The following MINDY4 variants were observed in gnomAD, a reference collection of about 807,000 sequenced individuals.
MINDY4 encodes probable ubiquitin carboxyl-terminal hydrolase MINDY-4.
A neutral mutation model predicts 87.0 loss-of-function variants in MINDY4; 68 were observed. The observed-to-expected ratio is 0.78, with a 90% CI of 0.64 to 0.96. The LOEUF is 0.96. Among genes scored for constraint, MINDY4 ranks in the 40% least tolerant of loss-of-function variants. MINDY4 has a pLI of 0.00. For synonymous variants in MINDY4, 379 were observed against 363.2 expected, an observed-to-expected ratio of 1.04 and a Z score of -0.50; for missense variants, 919 against 928.2, an observed-to-expected ratio of 0.99 and a Z score of 0.13.
intron 2 of MINDY4, chr7:30,779,935 C>T (rs190536202): frequency 2.0e-5 from 3 of 152,278 alleles, no homozygotes; most frequent in African/African-American, 7.2e-5. Flanking sequence ...GAACCTATGC[C>T]AGGCATCTCT....
At chr7:30,859,835 T>C (rs929932914) in intron 13 of MINDY4, among the ~76,000 whole-genome samples, 8 of 152,034 alleles carry the variant, frequency 5.3e-5, no homozygotes, top group Non-Finnish European at 1.0e-4. Context: ...CTTGTCCTAA[T>C]CTCCCCTGCC....
At chr7:30,861,399 G>A (rs765922858) in intron 13 of MINDY4, among the ~76,000 whole-genome samples, 4 of 152,362 alleles carry the variant, frequency 2.6e-5, no homozygotes, top group Non-Finnish European at 5.9e-5. Flanking sequence ...GCTGCTGTGA[G>A]TGCTGTCACC....
At position 30,877,822 on chromosome 7, in the gene MINDY4, C is replaced by CTTTTTTTT. The variant is rs60164229; in HGVS notation, c.1971+2195_1971+2202dup. 1.5e-4 allele frequency among the ~76,000 whole-genome samples: 7 copies of CTTTTTTTT among 47,540 alleles called. 3 individuals carry two copies. The highest frequency in any genetic ancestry group is 3.0e-4 in the Admixed American group (1 of 3,348). The allele number at this position is 47,540 out of a possible 152,430, so 31.2% of individuals were successfully genotyped here. ...GAGTAGCTGGGATTACAGGGACATGCTTTTTTTTTTTTTTTTTTTTTTTTT... is the reference window on the plus strand; with the variant it reads ...GAGTAGCTGGGATTACAGGGACATGCTTTTTTTTTTTTTTTTTTTTTTTTTTTTTTTTT... On this transcript the variant is annotated intron_variant, in intron 15 of 17. Transcript: ENST00000265299.
At chr7:30,890,551 TGTAAA>T (rs1469604850) in intron 17 of MINDY4, among the ~76,000 whole-genome samples, 1 of 152,244 alleles carries the variant, frequency 6.6e-6, no homozygotes, top group African/African-American at 2.4e-5. Context: ...AATGGAATGG[TGTAAA>T]GTATTCAAAA....
At chr7:30,788,812 G>T (rs11978517) in intron 4 of MINDY4, among the ~76,000 whole-genome samples, 1 of 152,054 alleles carries the variant, frequency 6.6e-6, no homozygotes. Context: ...AATGCCTGCC[G>T]TGTCCCTCCC....
intron 4 of MINDY4, among the ~76,000 whole-genome samples, chr7:30,788,391 A>G (rs1391158707): frequency 2.0e-5 from 3 of 152,220 alleles, no homozygotes; most frequent in Non-Finnish European, 2.9e-5. Context: ...GTAACATAAT[A>G]TATTGGCCAT....
At chr7:30,818,281 C>G (rs1443643127) in intron 5 of MINDY4, among the ~76,000 whole-genome samples, 1 of 152,078 alleles carries the variant, frequency 6.6e-6, no homozygotes, top group Non-Finnish European at 1.5e-5. Context: ...GTCATAATTT[C>G]TCTCAAACTC....
chr7:30,786,152 C>T, intron 4 of MINDY4, 160 bp downstream of exon 4: 1 of 962,138 alleles, frequency 1.0e-6, no homozygotes, highest in Non-Finnish European at 1.5e-6. Context: ...CTCCCTGGCT[C>T]TACTGTCAAT....
chr7:30,871,537 C>T (rs958758216), intron 13 of MINDY4, among the ~76,000 whole-genome samples: 3 of 152,340 alleles, frequency 2.0e-5, no homozygotes, highest in Admixed American at 6.5e-5. Flanking sequence ...TGTTCTGGTT[C>T]CTAGCGGTGC....
intron 1 of MINDY4, 56 bp downstream of exon 1, chr7:30,771,612 C>T (rs894869449): frequency 6.5e-7 from 1 of 1,530,790 alleles, no homozygotes; most frequent in Non-Finnish European, 8.9e-7. Context: ...GGGGGATCAT[C>T]GGGGTCTCCC....
intron 7 of MINDY4, 79 bp downstream of exon 7, chr7:30,836,843 CCAATCCAGCTCATTGTA>C: frequency 9.5e-7 from 1 of 1,049,666 alleles, no homozygotes; most frequent in Middle Eastern, 2.2e-4. Flanking sequence ...TGTTTCTGCC[CCAATCCAGCTCATTGTA>C]ATCTCTTGGT....
chr7:30,791,139 A>G, intron 4 of MINDY4, 26 bp from the exon 5 acceptor site: 5 of 1,570,730 alleles, frequency 3.2e-6, no homozygotes, highest in Non-Finnish European at 4.3e-6. Context: ...AAGGGTCCTC[A>G]CTGCTTTTGT....
At chr7:30,804,798 T>A (rs1451268520) in intron 5 of MINDY4, among the ~76,000 whole-genome samples, 1 of 152,172 alleles carries the variant, frequency 6.6e-6, no homozygotes, top group African/African-American at 2.4e-5. Context: ...TTAGTCTTAA[T>A]CATTATCCTT....
chr7:30,806,187 A>T (rs577247171), intron 5 of MINDY4, among the ~76,000 whole-genome samples: 2 of 152,262 alleles, frequency 1.3e-5, no homozygotes, highest in East Asian at 3.9e-4. Context: ...GAAACATTGC[A>T]TTGTATTGTA....
chr7:30,853,538 G>A, intron 12 of MINDY4, 79 bp downstream of exon 12: 1 of 1,272,038 alleles, frequency 7.9e-7, no homozygotes, highest in Non-Finnish European at 1.1e-6. Flanking sequence ...GCTGTGAACT[G>A]GAGTTGTTCT....
chr7:30,782,908 T>C (rs1407923067), intron 3 of MINDY4, among the ~76,000 whole-genome samples: 1 of 152,206 alleles, frequency 6.6e-6, no homozygotes, highest in Non-Finnish European at 1.5e-5. Flanking sequence ...ACCCACATCA[T>C]TGGGATAATC....
chr7:30,824,229 C>T (rs191839746), intron 5 of MINDY4, among the ~76,000 whole-genome samples: 21 of 152,274 alleles, frequency 1.4e-4, no homozygotes, highest in Admixed American at 1.0e-3. Context: ...TGAGGTAGCT[C>T]AAGGCATCAC....
chr7:30,777,108 C>T (rs1337066280), intron 1 of MINDY4, among the ~76,000 whole-genome samples: 1 of 151,258 alleles, frequency 6.6e-6, no homozygotes, highest in Non-Finnish European at 1.5e-5. Flanking sequence ...GTCATGAGCT[C>T]AAAGATTCCT....
intron 13 of MINDY4, 111 bp downstream of exon 13, chr7:30,859,435 A>G (rs2128573869): frequency 9.8e-7 from 1 of 1,023,888 alleles, no homozygotes; most frequent in Non-Finnish European, 1.5e-6. Flanking sequence ...CTCTGTGAGT[A>G]TTGTGGAAAG....
Sources: gnomAD v4.1 joint callset for allele counts (sites outside exome capture counted in the v4.1 genomes callset) on GRCh38, gnomAD v4.1.1 for gene constraint, MANE v1.5 for transcripts, NCBI Gene and HGNC (gene_info 2026-07-23, HGNC 2026-07-21) for gene names.